CALD1: variants seen among roughly 807,000 people sequenced by gnomAD.
The protein encoded by CALD1 is caldesmon.
A neutral mutation model predicts 99.9 loss-of-function variants in CALD1; 33 were observed. That is an observed-to-expected ratio of 0.33 (90% CI 0.25 to 0.44). The LOEUF (loss-of-function observed/expected upper bound fraction) is 0.44. CALD1 is among the 20% of genes least tolerant of loss of function. The pLI is 1.00. For synonymous variants in CALD1, 310 were observed against 325.0 expected (o/e 0.95, Z 0.50); for missense variants, 861 against 962.1 (o/e 0.89, Z 1.39).
intron 3 of CALD1, among the ~76,000 whole-genome samples, chr7:134,915,983 G>A (rs963740497): frequency 1.3e-5 from 2 of 152,184 alleles, no homozygotes; most frequent in East Asian, 1.9e-4. Flanking sequence ...TGGGACCCAT[G>A]AGCAGTGGTT....
rs59389296 is a variant in CALD1, at chr7:134,758,501, G to GGTGTGTGTGTGT, written c.-130+14165_-130+14176dup. On this transcript the variant is annotated intron_variant, in intron 1 of 13. Transcript: ENST00000417172. ...TTTAAATATCTGCAGCTCCCATTGG[G>GGTGTGTGTGTGT]GTGTGTGTGTGTGTGTGTGTGTGTG... Among the ~76,000 whole-genome samples the GGTGTGTGTGTGT allele has an allele frequency of 1.0e-3, 150 of 145,216 alleles. No homozygotes were observed. The East Asian group carries it at 0.012, about 12-fold the overall frequency.
chr7:134,852,565 C>T (rs1195590207), intron 2 of CALD1, among the ~76,000 whole-genome samples: 2 of 152,272 alleles, frequency 1.3e-5, no homozygotes, highest in East Asian at 3.9e-4. Flanking sequence ...AACAAGAGTC[C>T]TGAATACCCA....
At chr7:134,775,284 G>A (rs1796908990), upstream of CALD1, among the ~76,000 whole-genome samples, 1 of 152,124 alleles carries the variant, frequency 6.6e-6, no homozygotes, top group African/African-American at 2.4e-5. Flanking sequence ...TTAGTCTTGT[G>A]TGAATAGCAC....
intron 8 of CALD1, among the ~76,000 whole-genome samples, chr7:134,948,612 ACCCCGCTT>A (rs1452562615): frequency 6.6e-6 from 1 of 151,958 alleles, no homozygotes; most frequent in Non-Finnish European, 1.5e-5. Flanking sequence ...CAGTAAGGAG[ACCCCGCTT>A]TTCCAACTCA....
chr7:134,874,702 CATAA>C (rs1801266860), intron 3 of CALD1, among the ~76,000 whole-genome samples: 1 of 152,146 alleles, frequency 6.6e-6, no homozygotes, highest in South Asian at 2.1e-4. Context: ...AGCTTACAGA[CATAA>C]ATAAAGGGAA....
At chr7:134,850,319 A>G (rs916314609) in intron 2 of CALD1, among the ~76,000 whole-genome samples, 1 of 152,224 alleles carries the variant, frequency 6.6e-6, no homozygotes, top group Non-Finnish European at 1.5e-5. Flanking sequence ...TCTACTATGT[A>G]TTATCCATTT....
chr7:134,937,009 AC>A (rs1471752771), intron 6 of CALD1, among the ~76,000 whole-genome samples: 1 of 152,236 alleles, frequency 6.6e-6, no homozygotes, highest in Non-Finnish European at 1.5e-5. Flanking sequence ...AATGAAAGTT[AC>A]CTCAGAACTA....
intron 1 of CALD1, among the ~76,000 whole-genome samples, chr7:134,788,083 G>A (rs1797376731): frequency 6.6e-6 from 1 of 152,078 alleles, no homozygotes; most frequent in Non-Finnish European, 1.5e-5. Context: ...TTAAACTTTC[G>A]AGAATTTTGA....
At chr7:134,880,906 G>C (rs1015124453) in intron 3 of CALD1, among the ~76,000 whole-genome samples, 1 of 152,066 alleles carries the variant, frequency 6.6e-6, no homozygotes, top group Non-Finnish European at 1.5e-5. Flanking sequence ...CTTTTGAACT[G>C]AACAGAATGA....
intron 3 of CALD1, among the ~76,000 whole-genome samples, chr7:134,869,231 C>T (rs906857450): frequency 1.3e-5 from 2 of 151,876 alleles, no homozygotes; most frequent in African/African-American, 2.4e-5. Flanking sequence ...GGAATGACAC[C>T]GGCAAAAGTG....
At chr7:134,830,885 T>C (rs937572596) in intron 1 of CALD1, among the ~76,000 whole-genome samples, 1 of 152,184 alleles carries the variant, frequency 6.6e-6, no homozygotes, top group Non-Finnish European at 1.5e-5. Context: ...TCTCCAGTGG[T>C]GTATGTGGAA....
At chr7:134,766,955 G>A (rs1405896785) in intron 1 of CALD1, among the ~76,000 whole-genome samples, 1 of 152,170 alleles carries the variant, frequency 6.6e-6, no homozygotes, top group African/African-American at 2.4e-5. Flanking sequence ...TTGACACTAA[G>A]AGGAAAGAGA....
At chr7:134,776,295 G>T (rs1322350559), upstream of CALD1, among the ~76,000 whole-genome samples, 1 of 152,022 alleles carries the variant, frequency 6.6e-6, no homozygotes, top group African/African-American at 2.4e-5. Flanking sequence ...TGTTTAAAAA[G>T]ATTCTATTTC....
the CALD1 span, among the ~76,000 whole-genome samples, chr7:134,722,640 T>C: frequency 1.3e-5 from 2 of 152,252 alleles, no homozygotes; most frequent in African/African-American, 4.8e-5. Context: ...CAGGCTGGTC[T>C]CGAACTCCTG....
At position 134,895,446 on chromosome 7, in the gene CALD1, A is replaced by C. The variant is rs528879726; in HGVS notation, c.71+27642A>C. Among the ~76,000 whole-genome samples, 17 of 152,176 alleles carry C rather than the reference A, an allele frequency of 1.1e-4. No homozygotes were observed. In the South Asian group the frequency reaches 3.3e-3, roughly 30 times the overall value. On this transcript the variant is annotated intron_variant, in intron 3 of 14. Coordinates refer to ENST00000361675, the MANE Select transcript of CALD1 (RefSeq NM_033138.4). ...GCTGTCCTTATGAACATAGTTTTTT[A>C]ATCATGCTGTAAAACAGTGATACCT...
At chr7:134,781,003 C>A (rs950997774) in intron 1 of CALD1, among the ~76,000 whole-genome samples, 17 of 152,114 alleles carry the variant, frequency 1.1e-4, no homozygotes, top group African/African-American at 3.9e-4. Context: ...ATAAAGTTTT[C>A]TCTTTGTATT....
At chr7:134,713,978 G>C in the CALD1 span, among the ~76,000 whole-genome samples, 1 of 152,058 alleles carries the variant, frequency 6.6e-6, no homozygotes, top group African/African-American at 2.4e-5. Context: ...TCAGGGGGAT[G>C]GATTTCCCCT....
chr7:134,896,952 G>A (rs1305756160), intron 3 of CALD1, among the ~76,000 whole-genome samples: 1 of 152,180 alleles, frequency 6.6e-6, no homozygotes, highest in Non-Finnish European at 1.5e-5. Context: ...AAAGGTGGTT[G>A]TAGGCTGGTC....
At chr7:134,904,213 A>C (rs974292042) in intron 3 of CALD1, among the ~76,000 whole-genome samples, 8 of 152,060 alleles carry the variant, frequency 5.3e-5, no homozygotes, top group Admixed American at 5.2e-4. Context: ...ACAGAGCAAG[A>C]CACCGTCTCA....
Sources: gnomAD v4.1 joint callset for allele counts (sites outside exome capture counted in the v4.1 genomes callset) on GRCh38, gnomAD v4.1.1 for gene constraint, MANE v1.5 for transcripts, NCBI Gene and HGNC (gene_info 2026-07-23, HGNC 2026-07-21) for gene names.